The following EIF2AK2 variants were observed in gnomAD, a reference collection of about 807,000 sequenced individuals.
The protein encoded by EIF2AK2 is eukaryotic translation initiation factor 2 alpha kinase 2, also known as interferon-induced, double-stranded RNA-activated protein kinase.
Under a neutral mutation model 70.5 loss-of-function variants are expected in EIF2AK2, and 40 were observed. The observed-to-expected ratio is 0.57, with a 90% CI of 0.44 to 0.74. The LOEUF (loss-of-function observed/expected upper bound fraction) is 0.74, where lower values mean the gene tolerates loss of function less well. Among genes scored for constraint, EIF2AK2 ranks in the 30% least tolerant of loss-of-function variants. The pLI is 0.00. For missense variants in EIF2AK2, 555 were observed against 644.3 expected (o/e 0.86, Z 1.50); for synonymous variants, 198 against 220.9 (o/e 0.90, Z 0.92).
intron 10 of EIF2AK2, among the ~76,000 whole-genome samples, chr2:37,134,185 C>T (rs976699311): frequency 6.6e-6 from 1 of 152,146 alleles, no homozygotes; most frequent in African/African-American, 2.4e-5. Context: ...GTCTGGTTGG[C>T]GATTATCCCA....
intron 6 of EIF2AK2, among the ~76,000 whole-genome samples, chr2:37,138,881 C>A (rs1380558841): frequency 6.6e-6 from 1 of 152,038 alleles, no homozygotes; most frequent in Non-Finnish European, 1.5e-5. Flanking sequence ...CTGCAACCTC[C>A]ATCTCCCAGG....
At chr2:37,108,214 G>C (rs1312360712) in intron 15 of EIF2AK2, among the ~76,000 whole-genome samples, 1 of 150,686 alleles carries the variant, frequency 6.6e-6, no homozygotes, top group African/African-American at 2.4e-5. Flanking sequence ...CACTGTCTAA[G>C]CAAGAAGGTC....
Position 37,105,424 on chromosome 2 carries a change from C to G in EIF2AK2, c.*1849G>C, listed in dbSNP as rs937659134. On this transcript the variant is annotated 3_prime_UTR_variant, in exon 17 of 17. Coordinates refer to ENST00000233057, the MANE Select transcript of EIF2AK2 (RefSeq NM_001135651.3). ...TCAAGAGCCGGTTATTTAAAAAGAGCCTGGCACCTTCTCCCTCGCTCTCTT... is the reference window on the plus strand; with the variant it reads ...TCAAGAGCCGGTTATTTAAAAAGAGGCTGGCACCTTCTCCCTCGCTCTCTT... 1.3e-5 allele frequency: 2 copies of G among 152,166 alleles called. No individual in the cohort carries two copies. Among genetic ancestry groups the G allele is most frequent in the Admixed American group, 1.3e-4 (2 of 15,262 alleles). 9.4% of individuals were successfully genotyped at this position (152,166 alleles called of 1,614,324 possible). A position where few individuals can be genotyped will look rare whatever the true frequency, so the allele number is the denominator to read the frequency against.
intron 11 of EIF2AK2, among the ~76,000 whole-genome samples, 159 bp downstream of exon 11, chr2:37,126,130 T>C (rs1330292790): frequency 6.6e-6 from 1 of 152,104 alleles, no homozygotes; most frequent in African/African-American, 2.4e-5. Flanking sequence ...AGTGAGATCA[T>C]CTCGGAGTAA....
intron 1 of EIF2AK2, among the ~76,000 whole-genome samples, chr2:37,150,138 C>T (rs965038539): frequency 5.1e-5 from 6 of 118,414 alleles, no homozygotes; most frequent in African/African-American, 1.7e-4. Context: ...GAGGAAGTGA[C>T]GGTAAAAAAA....
chr2:37,110,975 C>T lies in EIF2AK2; in HGVS notation c.1378-1680G>A, dbSNP rs540255428. 2.6e-5 allele frequency among the ~76,000 whole-genome samples: 4 copies of T among 152,218 alleles called. No individual in the cohort carries two copies. The South Asian group carries it at 8.3e-4, about 32-fold the overall frequency. On this transcript the variant is annotated intron_variant, in intron 14 of 16. Transcript: ENST00000233057. ...CATACAATGGAATTCATTAGTCAGCCTTAAAAAGAAATTCTGACATGTTAC... is the reference window on the plus strand; with the variant it reads ...CATACAATGGAATTCATTAGTCAGCTTTAAAAAGAAATTCTGACATGTTAC...
At chr2:37,138,440 A>C in intron 7 of EIF2AK2, 69 bp downstream of exon 7, 3 of 1,602,426 alleles carry the variant, frequency 1.9e-6, no homozygotes, top group Non-Finnish European at 2.6e-6. Context: ...TTCTCCTTAA[A>C]CATAAAAATC....
chr2:37,138,856 C>T (rs906817277), intron 6 of EIF2AK2, among the ~76,000 whole-genome samples: 1 of 152,016 alleles, frequency 6.6e-6, no homozygotes, highest in African/African-American at 2.4e-5. Context: ...AGTGCAGTGG[C>T]ACAATCTTGG....
chr2:37,124,417 A>G (rs941022859), intron 11 of EIF2AK2, among the ~76,000 whole-genome samples: 2 of 152,172 alleles, frequency 1.3e-5, no homozygotes, highest in Non-Finnish European at 2.9e-5. Flanking sequence ...GTACGCTGCC[A>G]TGCCCAGCTA....
chr2:37,141,444 T>C (rs1043143715), intron 5 of EIF2AK2, 109 bp downstream of exon 5: 6 of 1,335,570 alleles, frequency 4.5e-6, no homozygotes, highest in Non-Finnish European at 6.2e-6. Flanking sequence ...AAACCTTGCA[T>C]ACAGAATGCT....
intron 1 of EIF2AK2, among the ~76,000 whole-genome samples, chr2:37,152,919 A>G (rs1274103793): frequency 6.6e-6 from 1 of 152,178 alleles, no homozygotes; most frequent in Non-Finnish European, 1.5e-5. Context: ...AAAGCCATCA[A>G]TCTGGGAGGC....
chr2:37,135,847 G>T (rs539975567), intron 9 of EIF2AK2, among the ~76,000 whole-genome samples: 409 of 152,262 alleles, frequency 2.7e-3, no homozygotes, highest in Non-Finnish European at 4.2e-3. Flanking sequence ...ACCCAGTCTG[G>T]TCTCGAACTC....
At chr2:37,120,501 C>T (rs1172695615) in intron 12 of EIF2AK2, among the ~76,000 whole-genome samples, 2 of 66,514 alleles carry the variant, frequency 3.0e-5, no homozygotes, top group Non-Finnish European at 2.7e-5. Context: ...AGCGAGATTC[C>T]GTCTCACAAA....
chr2:37,149,303 A>T, intron 1 of EIF2AK2: 1 of 1,032,014 alleles, frequency 9.7e-7, no homozygotes, highest in Non-Finnish European at 1.5e-6. Flanking sequence ...CATGCTGGAT[A>T]ATCTGTGGTA....
intron 13 of EIF2AK2, among the ~76,000 whole-genome samples, chr2:37,119,610 T>C (rs1046175207): frequency 1.3e-5 from 2 of 151,066 alleles, no homozygotes; most frequent in Non-Finnish European, 2.9e-5. Flanking sequence ...ATTTTTTTTT[T>C]TGAGACAAGT....
chr2:37,110,054 A>T (rs1162697387), intron 14 of EIF2AK2, among the ~76,000 whole-genome samples: 2 of 152,098 alleles, frequency 1.3e-5, no homozygotes, highest in Admixed American at 1.3e-4. Context: ...TATACTGTAT[A>T]AATTGTTCCT....
intron 12 of EIF2AK2, among the ~76,000 whole-genome samples, chr2:37,122,182 G>T (rs985434172): frequency 2.0e-5 from 3 of 152,088 alleles, no homozygotes; most frequent in African/African-American, 7.2e-5. Flanking sequence ...CTCTTCACAA[G>T]ACTACACTTA....
intron 14 of EIF2AK2, among the ~76,000 whole-genome samples, chr2:37,114,222 C>T (rs1674258152): frequency 6.6e-6 from 1 of 152,000 alleles, no homozygotes; most frequent in Admixed American, 6.6e-5. Flanking sequence ...ATTGCTTGAG[C>T]CCAAGATTTT....
chr2:37,148,397 G>T (rs4648156), intron 2 of EIF2AK2: 11,498 of 327,560 alleles, frequency 0.035, 303 homozygotes, highest in Middle Eastern at 0.046. Flanking sequence ...GAAATGAACG[G>T]GCAGGCAAGT....
Sources: allele counts gnomAD v4.1 joint callset (sites outside exome capture counted in the v4.1 genomes callset), GRCh38; gene constraint gnomAD v4.1.1; transcripts MANE v1.5; gene names NCBI Gene and HGNC (gene_info 2026-07-23, HGNC 2026-07-21).